Variants in CNTN5 observed in about 807,000 individuals in gnomAD.
CNTN5 encodes contactin 5, also known as contactin-5.
Under a neutral mutation model 129.1 loss-of-function variants are expected in CNTN5, and 77 were observed. The ratio of observed to expected loss-of-function variants is 0.60; its 90% confidence interval spans 0.50 to 0.72. The LOEUF (loss-of-function observed/expected upper bound fraction) is 0.72. Ranked by LOEUF, CNTN5 falls within the 30% of genes least tolerant of loss-of-function variation. The pLI, the probability that CNTN5 is intolerant of heterozygous loss-of-function variation, is 0.00. For synonymous variants in CNTN5, 509 were observed against 465.6 expected, an observed-to-expected ratio of 1.09 and a Z score of -1.20; for missense variants, 1,478 against 1,328.8, an observed-to-expected ratio of 1.11 and a Z score of -1.75.
chr11:99,182,180 G>C (rs900548892), intron 1 of CNTN5, among the ~76,000 whole-genome samples: 4 of 152,140 alleles, frequency 2.6e-5, no homozygotes, highest in African/African-American at 7.2e-5. Flanking sequence ...GCAGTGTGAG[G>C]ATATTGCTTT....
chr11:99,179,456 A>G (rs1293348277), intron 1 of CNTN5, among the ~76,000 whole-genome samples: 1 of 152,214 alleles, frequency 6.6e-6, no homozygotes, highest in Non-Finnish European at 1.5e-5. Context: ...GTAAAAAATA[A>G]ATAAATAAAA....
intron 1 of CNTN5, among the ~76,000 whole-genome samples, chr11:99,080,194 G>A (rs1362865856): frequency 6.6e-6 from 1 of 152,170 alleles, no homozygotes. Context: ...TTTAGCATAA[G>A]ACTGTAAAGT....
chr11:99,065,990 CTG>C (rs1319327523), intron 1 of CNTN5, among the ~76,000 whole-genome samples: 2 of 138,000 alleles, frequency 1.4e-5, no homozygotes, highest in Admixed American at 1.4e-4. Context: ...TCATTAGTGA[CTG>C]TGGAATTTTT....
chr11:100,001,254 C>A (rs189749447), intron 8 of CNTN5, among the ~76,000 whole-genome samples: 1 of 152,072 alleles, frequency 6.6e-6, no homozygotes, highest in Non-Finnish European at 1.5e-5. Flanking sequence ...GCAGAAGAGA[C>A]GAGAGAGAAC....
intron 8 of CNTN5, among the ~76,000 whole-genome samples, chr11:99,962,916 G>A (rs1385735270): frequency 2.0e-5 from 3 of 150,642 alleles, no homozygotes; most frequent in African/African-American, 7.4e-5. Context: ...CAGTGATGAT[G>A]AGCATTTTTT....
At chr11:99,329,666 C>T (rs976400791) in intron 2 of CNTN5, among the ~76,000 whole-genome samples, 17 of 152,184 alleles carry the variant, frequency 1.1e-4, no homozygotes, top group Middle Eastern at 3.4e-3. Context: ...TGCTTAGAAA[C>T]TGTCACATAT....
At position 100,084,351 on chromosome 11, in the gene CNTN5, C is replaced by T. The variant is rs552155260; in HGVS notation, c.1580+10057C>T. On this transcript the variant is annotated intron_variant, in intron 13 of 24. Transcript: ENST00000524871. ...GATTCGACTACCTCCCCAAGTGACT[C>T]TTCAGTGAATATAAAATGGTGAGGA... Among the ~76,000 whole-genome samples the T allele has an allele frequency of 9.5e-4, 144 of 152,204 alleles. 1 individual carries two copies. The highest frequency in any genetic ancestry group is 1.6e-3 in the Non-Finnish European group (111 of 67,998).
intron 21 of CNTN5, among the ~76,000 whole-genome samples, chr11:100,313,592 T>C (rs1297426678): frequency 1.3e-5 from 2 of 151,910 alleles, no homozygotes; most frequent in Non-Finnish European, 2.9e-5. Flanking sequence ...AACATGCCAG[T>C]TTGGAGTCAA....
At chr11:100,329,994 C>G (rs1216188) in intron 21 of CNTN5, among the ~76,000 whole-genome samples, 26,109 of 152,036 alleles carry the variant, frequency 0.17, 2,732 homozygotes, top group East Asian at 0.34. Context: ...TGCATTGCCA[C>G]AAAAAGAATT....
At chr11:100,035,427 A>G (rs1426902512) in intron 9 of CNTN5, among the ~76,000 whole-genome samples, 1 of 146,580 alleles carries the variant, frequency 6.8e-6, no homozygotes, top group Admixed American at 6.8e-5. Flanking sequence ...GCCGCAATAA[A>G]CATACGTGTG....
chr11:99,436,517 C>G (rs186078948), intron 2 of CNTN5, among the ~76,000 whole-genome samples: 2 of 152,192 alleles, frequency 1.3e-5, no homozygotes, highest in African/African-American at 4.8e-5. Context: ...TACAGTTTCC[C>G]CATCTTGTAT....
intron 18 of CNTN5, among the ~76,000 whole-genome samples, chr11:100,293,332 C>T (rs137906672): frequency 8.0e-4 from 121 of 151,800 alleles, no homozygotes; most frequent in African/African-American, 2.7e-3. Flanking sequence ...CAATCTCTTT[C>T]AGAAATTCAA....
At chr11:99,562,823 A>C (rs1948884452) in intron 3 of CNTN5, among the ~76,000 whole-genome samples, 1 of 152,170 alleles carries the variant, frequency 6.6e-6, no homozygotes, top group African/African-American at 2.4e-5. Context: ...TGCAGATTTA[A>C]AGCTGGGAAA....
intron 7 of CNTN5, among the ~76,000 whole-genome samples, chr11:99,928,672 A>G (rs1332247518): frequency 3.9e-5 from 6 of 152,180 alleles, no homozygotes; most frequent in African/African-American, 1.4e-4. Flanking sequence ...GGCCTGGCCC[A>G]CAAAACCATT....
intron 9 of CNTN5, among the ~76,000 whole-genome samples, chr11:100,037,433 T>G (rs1443761588): frequency 9.3e-5 from 14 of 151,078 alleles, no homozygotes; most frequent in East Asian, 1.9e-4. Context: ...AATTCTCTTT[T>G]TTGGTTGTGT....
intron 1 of CNTN5, among the ~76,000 whole-genome samples, chr11:99,306,133 G>A (rs1379835815): frequency 1.3e-5 from 2 of 152,176 alleles, no homozygotes; most frequent in African/African-American, 4.8e-5. Flanking sequence ...TGTAACTTAA[G>A]TAATATAGTG....
intron 7 of CNTN5, among the ~76,000 whole-genome samples, chr11:99,949,523 A>C (rs941166111): frequency 6.6e-6 from 1 of 152,188 alleles, no homozygotes; most frequent in African/African-American, 2.4e-5. Flanking sequence ...TTTTTAATGC[A>C]AAGTTTGGAA....
At chr11:99,480,272 T>C (rs1277621106) in intron 2 of CNTN5, among the ~76,000 whole-genome samples, 2 of 152,182 alleles carry the variant, frequency 1.3e-5, no homozygotes, top group Non-Finnish European at 2.9e-5. Context: ...GTTTTGCTTC[T>C]TGAAATGATA....
chr11:99,694,944 C>T (rs999228871), intron 3 of CNTN5, among the ~76,000 whole-genome samples: 1 of 152,060 alleles, frequency 6.6e-6, no homozygotes, highest in African/African-American at 2.4e-5. Context: ...AGGTGCCTTT[C>T]CAAGGCCCCA....
Sources: gnomAD v4.1 joint callset for allele counts (sites outside exome capture counted in the v4.1 genomes callset) on GRCh38, gnomAD v4.1.1 for gene constraint, MANE v1.5 for transcripts, NCBI Gene and HGNC (gene_info 2026-07-23, HGNC 2026-07-21) for gene names.